IGSF21: variants seen among roughly 807,000 people sequenced by gnomAD.
IGSF21 encodes the protein immunoglobin superfamily member 21.
A neutral mutation model predicts 46.8 loss-of-function variants in IGSF21; 28 were observed. That is an observed-to-expected ratio of 0.60 (90% CI 0.44 to 0.82). The LOEUF (loss-of-function observed/expected upper bound fraction) is 0.82, where lower values mean the gene tolerates loss of function less well. IGSF21 is among the 40% of genes least tolerant of loss of function. The probability of loss-of-function intolerance (pLI) is 0.00; values close to 1 mark genes in which losing one functional copy is unlikely to be tolerated. For synonymous variants in IGSF21, 284 were observed against 273.6 expected (o/e 1.04, Z -0.38); for missense variants, 624 against 665.5 (o/e 0.94, Z 0.69).
intron 3 of IGSF21, among the ~76,000 whole-genome samples, chr1:18,327,163 T>C (rs947926468): frequency 3.3e-5 from 5 of 152,168 alleles, no homozygotes; most frequent in African/African-American, 1.2e-4. Context: ...ACAGGACTTG[T>C]TATTTGAAGC....
chr1:18,359,177 G>A (rs1239987567), intron 4 of IGSF21, among the ~76,000 whole-genome samples: 1 of 151,550 alleles, frequency 6.6e-6, no homozygotes, highest in African/African-American at 2.4e-5. Context: ...GAGAGGCCGA[G>A]GCAGGACAAT....
chr1:18,156,793 T>C (rs889226845), intron 1 of IGSF21, among the ~76,000 whole-genome samples: 5 of 152,080 alleles, frequency 3.3e-5, no homozygotes, highest in African/African-American at 4.8e-5. Context: ...AGGGTGCAGG[T>C]GTGAGGCTGG....
At chr1:18,362,863 G>A (rs957851701) in intron 5 of IGSF21, among the ~76,000 whole-genome samples, 20 of 152,126 alleles carry the variant, frequency 1.3e-4, no homozygotes, top group East Asian at 3.9e-4. Flanking sequence ...GGCAGGAGGT[G>A]CAGCGTCCAG....
intron 4 of IGSF21, among the ~76,000 whole-genome samples, chr1:18,353,507 C>T (rs1347413318): frequency 2.0e-5 from 3 of 152,014 alleles, no homozygotes; most frequent in South Asian, 2.1e-4. Context: ...GTGAGGGTAT[C>T]GGAGGAAAAG....
intron 1 of IGSF21, among the ~76,000 whole-genome samples, chr1:18,130,877 G>A (rs774157616): frequency 6.6e-5 from 10 of 152,228 alleles, no homozygotes; most frequent in Non-Finnish European, 1.5e-4. Flanking sequence ...GGCTGTCCCT[G>A]TTGGCCCCCC....
intron 1 of IGSF21, among the ~76,000 whole-genome samples, chr1:18,142,228 GAACAACT>G (rs1264060067): frequency 6.6e-6 from 1 of 152,100 alleles, no homozygotes; most frequent in Non-Finnish European, 1.5e-5. Context: ...TCCATTTAAT[GAACAACT>G]ACTCTATGAC....
chr1:18,302,094 AC>A (rs2124576195), intron 3 of IGSF21, among the ~76,000 whole-genome samples: 1 of 151,354 alleles, frequency 6.6e-6, no homozygotes, highest in East Asian at 2.0e-4. Context: ...ACCGGCATTG[AC>A]CTCTCAGGTT....
At chr1:18,168,199 C>T (rs1200292678) in intron 1 of IGSF21, among the ~76,000 whole-genome samples, 1 of 152,130 alleles carries the variant, frequency 6.6e-6, no homozygotes, top group African/African-American at 2.4e-5. Flanking sequence ...CGTCACTCTG[C>T]TCACCAAGGA....
intron 4 of IGSF21, among the ~76,000 whole-genome samples, chr1:18,346,005 G>T (rs944499707): frequency 1.3e-5 from 2 of 152,190 alleles, no homozygotes; most frequent in Admixed American, 1.3e-4. Context: ...ACCTGTTGGG[G>T]CATGAAATGT....
chr1:18,219,849 A>G (rs937033717), intron 1 of IGSF21, among the ~76,000 whole-genome samples: 1 of 152,156 alleles, frequency 6.6e-6, no homozygotes, highest in African/African-American at 2.4e-5. Flanking sequence ...TTTCCTGGCT[A>G]ATCTGAGTCC....
At position 18,183,105 on chromosome 1, in the gene IGSF21, G is replaced by A. The variant is rs2086872392; in HGVS notation, c.71-44793G>A. Among the ~76,000 whole-genome samples, 4 of 152,198 alleles carry A rather than the reference G, an allele frequency of 2.6e-5. 1 individual carries two copies. In the South Asian group the frequency reaches 8.3e-4, roughly 32 times the overall value. On this transcript the variant is annotated intron_variant, in intron 1 of 9. Coordinates refer to ENST00000251296, the MANE Select transcript of IGSF21 (RefSeq NM_032880.5). Reference sequence around the variant, plus strand: ...TCTAATAGAGTGACCTGAACCCTATGTGCTGTTCTAAAAGCAGCCTCAGAA... The same window carrying A: ...TCTAATAGAGTGACCTGAACCCTATATGCTGTTCTAAAAGCAGCCTCAGAA...
At chr1:18,318,008 G>A (rs1245200471) in intron 3 of IGSF21, among the ~76,000 whole-genome samples, 1 of 152,180 alleles carries the variant, frequency 6.6e-6, no homozygotes, top group Admixed American at 6.5e-5. Context: ...TGTCATCCAC[G>A]CTATTCATGC....
chr1:18,297,186 C>T (rs189771700), intron 3 of IGSF21, among the ~76,000 whole-genome samples: 1 of 150,910 alleles, frequency 6.6e-6, no homozygotes, highest in Non-Finnish European at 1.5e-5. Flanking sequence ...CTCTCCCCAA[C>T]CCCCAGGACA....
chr1:18,296,426 T>G (rs2085312931), intron 3 of IGSF21, among the ~76,000 whole-genome samples: 1 of 152,048 alleles, frequency 6.6e-6, no homozygotes, highest in Non-Finnish European at 1.5e-5. Flanking sequence ...CTGGGTTGGA[T>G]GAAGGGTGGG....
At chr1:18,370,252 G>C (rs1023221823) in intron 6 of IGSF21, among the ~76,000 whole-genome samples, 2 of 152,114 alleles carry the variant, frequency 1.3e-5, no homozygotes, top group African/African-American at 2.4e-5. Context: ...CCTTCCTGTG[G>C]TAGACAAATA....
intron 1 of IGSF21, among the ~76,000 whole-genome samples, chr1:18,191,679 CT>C (rs1457835026): frequency 6.6e-6 from 1 of 152,098 alleles, no homozygotes; most frequent in Admixed American, 6.5e-5. Flanking sequence ...TGTTTTTCTG[CT>C]GTCATTTTGG....
At chr1:18,208,548 ATTTTTTT>A (rs10601446) in intron 1 of IGSF21, among the ~76,000 whole-genome samples, 2 of 85,850 alleles carry the variant, frequency 2.3e-5, no homozygotes, top group African/African-American at 9.1e-5. Context: ...AGCCCAGCTA[ATTTTTTT>A]TTTTTTTTTT....
At chr1:18,139,510 C>A (rs1346867605) in intron 1 of IGSF21, among the ~76,000 whole-genome samples, 3 of 152,206 alleles carry the variant, frequency 2.0e-5, no homozygotes, top group African/African-American at 4.8e-5. Flanking sequence ...CCAGGGCCTT[C>A]CCCTCTGTCT....
chr1:18,294,238 G>T (rs2085292325), intron 3 of IGSF21, among the ~76,000 whole-genome samples: 1 of 152,212 alleles, frequency 6.6e-6, no homozygotes, highest in African/African-American at 2.4e-5. Flanking sequence ...GCTGCAAGTT[G>T]TGAGGAGCTG....
Sources: allele counts gnomAD v4.1 joint callset (sites outside exome capture counted in the v4.1 genomes callset), GRCh38; gene constraint gnomAD v4.1.1; transcripts MANE v1.5; gene names NCBI Gene and HGNC (gene_info 2026-07-23, HGNC 2026-07-21).